The following MAGI2 variants were observed in gnomAD, a reference collection of about 807,000 sequenced individuals.
MAGI2 encodes the protein membrane-associated guanylate kinase, WW and PDZ domain-containing protein 2.
In MAGI2, 35 loss-of-function variants were observed where a neutral mutation model predicts 133.3. The observed-to-expected ratio is 0.26, with a 90% CI of 0.20 to 0.35. The LOEUF is 0.35. Among genes scored for constraint, MAGI2 ranks in the 10% least tolerant of loss-of-function variants. The pLI is 1.00. For missense variants in MAGI2, 1,636 were observed against 1,863.4 expected (o/e 0.88, Z 2.25); for synonymous variants, 729 against 710.6 (o/e 1.03, Z -0.41).
chr7:78,864,719 A>G (rs1794415981), intron 2 of MAGI2, among the ~76,000 whole-genome samples: 1 of 152,218 alleles, frequency 6.6e-6, no homozygotes, highest in South Asian at 2.1e-4. Flanking sequence ...TGGTTGTCAT[A>G]AAGTAGGATA....
intron 4 of MAGI2, among the ~76,000 whole-genome samples, chr7:78,505,477 CT>C (rs1584429848): frequency 1.3e-5 from 2 of 152,104 alleles, no homozygotes; most frequent in East Asian, 3.9e-4. Context: ...TTCAGAGTCT[CT>C]TTTCTGTGGC....
intron 2 of MAGI2, among the ~76,000 whole-genome samples, chr7:78,783,633 G>A (rs1826572354): frequency 6.6e-6 from 1 of 152,154 alleles, no homozygotes; most frequent in Non-Finnish European, 1.5e-5. Context: ...AATCAATAAA[G>A]TGTAATTGAA....
intron 1 of MAGI2, among the ~76,000 whole-genome samples, chr7:79,024,940 T>A (rs1389163320): frequency 6.6e-6 from 1 of 152,074 alleles, no homozygotes; most frequent in African/African-American, 2.4e-5. Context: ...TGAAGGGCTG[T>A]TTGGTGATTT....
At chr7:78,615,519 A>G (rs1368154704) in intron 3 of MAGI2, 2 of 152,220 alleles carry the variant, frequency 1.3e-5, no homozygotes, top group Admixed American at 6.5e-5. Context: ...GGGACCTGGC[A>G]TGGAGAAATC....
chr7:78,895,196 C>G lies in MAGI2; in HGVS notation c.418+111894G>C, dbSNP rs377754222. 2.6e-5 allele frequency among the ~76,000 whole-genome samples: 4 copies of G among 152,134 alleles called. No homozygotes were observed. The East Asian group carries it at 5.8e-4, about 22-fold the overall frequency. ...GACTGTTATAAAAGCCAGGCTGGCT[C>G]TCTCTTGGTGCTCTCTTGCCATGTG... On this transcript the variant is annotated intron_variant, in intron 2 of 21. Coordinates refer to ENST00000354212, the MANE Select transcript of MAGI2 (RefSeq NM_012301.4).
intron 1 of MAGI2, among the ~76,000 whole-genome samples, chr7:79,131,102 T>C (rs528153345): frequency 7.9e-5 from 12 of 152,324 alleles, no homozygotes; most frequent in Admixed American, 2.0e-4. Context: ...TCAGTCAGTA[T>C]AGCAAAGGGA....
At chr7:78,524,886 T>C (rs1796819922) in intron 3 of MAGI2, among the ~76,000 whole-genome samples, 1 of 152,172 alleles carries the variant, frequency 6.6e-6, no homozygotes, top group Non-Finnish European at 1.5e-5. Context: ...GATTTTAAGG[T>C]AGTATTCTAA....
chr7:79,106,516 T>G (rs1818467269), intron 1 of MAGI2, among the ~76,000 whole-genome samples: 1 of 152,192 alleles, frequency 6.6e-6, no homozygotes, highest in Non-Finnish European at 1.5e-5. Context: ...GATAAAATAT[T>G]ATTATCACAA....
At chr7:78,482,403 T>C (rs6971860) in intron 6 of MAGI2, among the ~76,000 whole-genome samples, 9,879 of 151,866 alleles carry the variant, frequency 0.065, 787 homozygotes, top group African/African-American at 0.19. Flanking sequence ...CTTGGGTTCT[T>C]AGAGAAGTGA....
chr7:78,921,362 A>C (rs935355009), intron 2 of MAGI2, among the ~76,000 whole-genome samples: 1 of 152,162 alleles, frequency 6.6e-6, no homozygotes, highest in Admixed American at 6.6e-5. Context: ...GGGATAATTT[A>C]TTTGAAATGT....
intron 1 of MAGI2, among the ~76,000 whole-genome samples, chr7:79,190,161 A>G (rs938019126): frequency 6.6e-6 from 1 of 151,830 alleles, no homozygotes; most frequent in Non-Finnish European, 1.5e-5. Context: ...TGGTTGTTGG[A>G]CTGTCTGGTA....
chr7:79,401,625 T>C (rs1420314101), intron 1 of MAGI2, among the ~76,000 whole-genome samples: 1 of 152,102 alleles, frequency 6.6e-6, no homozygotes, highest in Non-Finnish European at 1.5e-5. Flanking sequence ...TAATGACATA[T>C]CCAAAATAAC....
Position 79,077,574 on chromosome 7 carries a change from CA to C in MAGI2, c.302-70369del, listed in dbSNP as rs769770373. ...TGGGCAACAGAGCGAGACTGCCTCT[CA>C]AAAAAAAAAAAAAAAAAAAATAAAT... is the stretch of plus-strand genomic sequence containing the variant. On this transcript the variant is annotated intron_variant, in intron 1 of 21. Transcript: ENST00000354212. Among the ~76,000 whole-genome samples the C allele has an allele frequency of 6.7e-4, 16 of 23,790 alleles. 1 individual carries two copies. Among genetic ancestry groups the C allele is most frequent in the African/African-American group, 1.7e-3 (11 of 6,600 alleles). 15.6% of individuals were successfully genotyped at this position (23,790 alleles called of 152,430 possible).
intron 6 of MAGI2, among the ~76,000 whole-genome samples, chr7:78,448,294 T>C (rs949364578): frequency 1.3e-5 from 2 of 152,074 alleles, no homozygotes; most frequent in African/African-American, 4.8e-5. Context: ...ATATACCCAG[T>C]AGTCGAATTG....
chr7:79,404,294 T>G (rs1845662844), intron 1 of MAGI2, among the ~76,000 whole-genome samples: 1 of 152,154 alleles, frequency 6.6e-6, no homozygotes, highest in South Asian at 2.1e-4. Context: ...CATAGGCTTC[T>G]GCATTAATTT....
At chr7:78,201,510 C>A (rs1271125366) in intron 10 of MAGI2, among the ~76,000 whole-genome samples, 2 of 152,178 alleles carry the variant, frequency 1.3e-5, no homozygotes, top group Non-Finnish European at 2.9e-5. Context: ...ATTTCTATTG[C>A]ACAGCCTTAG....
intron 6 of MAGI2, among the ~76,000 whole-genome samples, chr7:78,411,320 TA>T (rs544477602): frequency 3.9e-5 from 6 of 152,058 alleles, no homozygotes; most frequent in Non-Finnish European, 7.4e-5. Flanking sequence ...TCAGAAGATA[TA>T]ACCTGGTGAA....
chr7:78,235,399 C>T (rs1279834676), intron 10 of MAGI2, among the ~76,000 whole-genome samples: 1 of 152,160 alleles, frequency 6.6e-6, no homozygotes, highest in Non-Finnish European at 1.5e-5. Context: ...GGCTGTGTCC[C>T]CACCCAAGTC....
intron 1 of MAGI2, among the ~76,000 whole-genome samples, chr7:79,221,989 T>C (rs1302370948): frequency 6.6e-6 from 1 of 152,090 alleles, no homozygotes; most frequent in Non-Finnish European, 1.5e-5. Flanking sequence ...AACTATTATA[T>C]ATAAAACAGC....
Sources: allele counts gnomAD v4.1 joint callset (sites outside exome capture counted in the v4.1 genomes callset), GRCh38; gene constraint gnomAD v4.1.1; transcripts MANE v1.5; gene names NCBI Gene and HGNC (gene_info 2026-07-23, HGNC 2026-07-21).